Variants in GABRA1 observed in about 807,000 individuals in gnomAD.
GABRA1 encodes the protein gamma-aminobutyric acid receptor subunit alpha-1.
In GABRA1, 9 loss-of-function variants were observed where a neutral mutation model predicts 48.9. The ratio of observed to expected loss-of-function variants is 0.18; its 90% CI spans 0.11 to 0.32. GABRA1 has a LOEUF of 0.32. Ranked by LOEUF, GABRA1 falls within the 10% of genes least tolerant of loss-of-function variation. GABRA1 has a pLI of 1.00. For missense variants in GABRA1, 285 were observed against 553.8 expected, an observed-to-expected ratio of 0.51 and a Z score of 4.87; for synonymous variants, 210 against 198.7, an observed-to-expected ratio of 1.06 and a Z score of -0.48.
chr5:161,859,338 GA>G (rs1326542906), intron 3 of GABRA1, among the ~76,000 whole-genome samples: 2 of 151,604 alleles, frequency 1.3e-5, no homozygotes, highest in Admixed American at 1.3e-4. Flanking sequence ...ATTGTTGCAA[GA>G]GATCTCAGCT....
chr5:161,876,037 C>A (rs1754336780), intron 6 of GABRA1, among the ~76,000 whole-genome samples: 1 of 152,002 alleles, frequency 6.6e-6, no homozygotes, highest in Non-Finnish European at 1.5e-5. Flanking sequence ...AATTCGTTTA[C>A]CAGATTAAAG....
At chr5:161,858,052 T>C (rs1581182262) in intron 3 of GABRA1, among the ~76,000 whole-genome samples, 1 of 146,786 alleles carries the variant, frequency 6.8e-6, no homozygotes, top group Non-Finnish European at 1.5e-5. Flanking sequence ...GGGAGAGGAA[T>C]TGAGGAAGTG....
intron 8 of GABRA1, among the ~76,000 whole-genome samples, chr5:161,894,820 T>C (rs1243610679): frequency 6.6e-6 from 1 of 152,082 alleles, no homozygotes; most frequent in Non-Finnish European, 1.5e-5. Flanking sequence ...TAAACTAAAA[T>C]GGGCTAACTT....
chr5:161,867,506 T>C (rs1211181999), intron 4 of GABRA1, among the ~76,000 whole-genome samples: 1 of 152,160 alleles, frequency 6.6e-6, no homozygotes, highest in Non-Finnish European at 1.5e-5. Context: ...CTTGAACAAA[T>C]TGCTTAAGCT....
Position 161,888,924 on chromosome 5 carries a change from G to T in GABRA1, c.704-1974G>T, listed in dbSNP as rs142744890. Among the ~76,000 whole-genome samples the T allele has an allele frequency of 7.1e-4, 108 of 152,102 alleles. 2 individuals are homozygous for T. Among genetic ancestry groups the T allele is most frequent in the African/African-American group, 2.4e-3 (100 of 41,528 alleles). On this transcript the variant is annotated intron_variant, in intron 7 of 9. Transcript: ENST00000393943. ...CTCAGTGCATCCATTTTCACTATAT[G>T]AAGGTATTAAATACTGAGGATATGG...
chr5:161,871,888 A>G (rs1754136783), intron 4 of GABRA1, among the ~76,000 whole-genome samples: 1 of 152,256 alleles, frequency 6.6e-6, no homozygotes, highest in Middle Eastern at 3.4e-3. Context: ...TAGTTACTTG[A>G]TCAGTAAGGG....
chr5:161,880,616 A>G (rs1281369187), intron 6 of GABRA1, among the ~76,000 whole-genome samples: 1 of 152,188 alleles, frequency 6.6e-6, no homozygotes, highest in African/African-American at 2.4e-5. Context: ...AAACTTATGG[A>G]AAATTTTGTT....
chr5:161,850,875 C>A lies in GABRA1; in HGVS notation c.65C>A (p.Thr22Asn), dbSNP rs1428599469. The change falls in exon 2 of 10, where the codon ACT (threonine) becomes AAT (asparagine). Residue 22 changes from threonine (T) to asparagine (N), a missense_variant. By Grantham distance (65) the Thr-to-Asn change is moderately conservative. This residue lies in a region of GABRA1 where 45 missense variants were observed against 39.9 expected (regional missense o/e 1.13). Transcript: ENST00000393943. ...TGGATCCTCCTTCTGAGCACACTGA[C>A]TGGAAGAAGGTGGGGACACTTTTTT... ...WAWILLLSTL[T>N]GRSYGQPSLQ... 6.2e-7 allele frequency: 1 copy of A among 1,613,504 alleles called. No homozygotes were observed. The highest frequency in any genetic ancestry group is 1.1e-5 in the South Asian group (1 of 91,070).
upstream of GABRA1, chr5:161,847,218 A>G (rs11576001): frequency 0.3 from 45,097 of 151,258 alleles, 7,786 homozygotes; most frequent in African/African-American, 0.47. Flanking sequence ...AAGGGGGGGG[A>G]AAAGTAGATG....
In GABRA1 at chr5:161,898,842, A is replaced by C. The variant is rs1755491115; in HGVS notation, c.*1420A>C. 1.3e-5 allele frequency: 2 copies of C among 152,612 alleles called. No individual in the cohort carries two copies. Among genetic ancestry groups the C allele is most frequent in the South Asian group, 4.1e-4 (2 of 4,836 alleles). 9.5% of individuals were successfully genotyped at this position (152,612 alleles called of 1,614,324 possible). On this transcript the variant is annotated 3_prime_UTR_variant, in exon 10 of 10. Transcript: ENST00000393943. ...TACCATATGTAGCATTAAATATAAA[A>C]TACATAAAAGAATGTACAGAAAATA...
At chr5:161,880,769 G>T (rs1474482280) in intron 6 of GABRA1, among the ~76,000 whole-genome samples, 1 of 152,158 alleles carries the variant, frequency 6.6e-6, no homozygotes, top group Non-Finnish European at 1.5e-5. Flanking sequence ...CTTTGTTTTA[G>T]GGACTGAAAG....
rs753939740 is a variant in GABRA1, at chr5:161,875,543, T to G, written c.477-17T>G. ...TAATCTATATGGCTCTTGTTTGTAT[T>G]CTATGTTTCCCTTAAGGCTGACAGT... is the stretch of plus-strand genomic sequence containing the variant. On this transcript the variant is annotated splice_polypyrimidine_tract_variant and intron_variant, in intron 5 of 9. Transcript: ENST00000393943. 4 of 1,604,214 alleles carry G rather than the reference T, an allele frequency of 2.5e-6. No individual in the cohort carries two copies. Among genetic ancestry groups the G allele is most frequent in the Non-Finnish European group, 3.4e-6 (4 of 1,171,120 alleles).
In GABRA1 at chr5:161,883,888, T is replaced by A. The variant is rs184171902; in HGVS notation, c.703+1187T>A. On this transcript the variant is annotated intron_variant, in intron 7 of 9. Coordinates refer to ENST00000393943, the MANE Select transcript of GABRA1 (RefSeq NM_001127644.2). Reference sequence around the variant, plus strand: ...AAATGTTTATGTGTTTTATTTTTTTTTTAAAAAATGGAAACTGTTTCTCTT... The same window carrying A: ...AAATGTTTATGTGTTTTATTTTTTTATTAAAAAATGGAAACTGTTTCTCTT... Among the ~76,000 whole-genome samples the A allele has an allele frequency of 5.5e-3, 830 of 152,174 alleles. 8 individuals carry two copies. The highest frequency in any genetic ancestry group is 0.018 in the African/African-American group (750 of 41,536).
Position 161,848,452 on chromosome 5 carries a change from G to A in GABRA1, c.-16+30G>A, listed in dbSNP as rs553407875. On this transcript the variant is annotated intron_variant, in intron 1 of 9. Coordinates refer to ENST00000393943, the MANE Select transcript of GABRA1 (RefSeq NM_001127644.2). Reference sequence around the variant, plus strand: ...GTGCGACTTTGGACCACGATACACAGACAGAGCTTTGAACGTGGCTTTTCC... The same window carrying A: ...GTGCGACTTTGGACCACGATACACAAACAGAGCTTTGAACGTGGCTTTTCC... The A allele has an allele frequency of 5.4e-5, 8 of 148,452 alleles. No individual in the cohort carries two copies. The Admixed American group carries it at 5.7e-4, about 11-fold the overall frequency. 9.2% of individuals were successfully genotyped at this position (148,452 alleles called of 1,614,324 possible).
chr5:161,869,894 G>T (rs1182296810), intron 4 of GABRA1, among the ~76,000 whole-genome samples: 4 of 152,090 alleles, frequency 2.6e-5, no homozygotes, highest in Non-Finnish European at 5.9e-5. Flanking sequence ...CTTGGTTTCG[G>T]CCACCTTCTT....
chr5:161,850,555 G>T, intron 1 of GABRA1: 1 of 583,526 alleles, frequency 1.7e-6, no homozygotes, highest in South Asian at 2.2e-5. Flanking sequence ...ACCTGAAAGC[G>T]TTTCAGCTTG....
At chr5:161,868,636 A>G (rs565621084) in intron 4 of GABRA1, among the ~76,000 whole-genome samples, 5 of 152,258 alleles carry the variant, frequency 3.3e-5, no homozygotes, top group African/African-American at 1.2e-4. Context: ...TGGCCATTCT[A>G]TCTCAGTCTC....
intron 7 of GABRA1, among the ~76,000 whole-genome samples, chr5:161,887,941 G>T (rs750047195): frequency 1.3e-5 from 2 of 152,038 alleles, no homozygotes; most frequent in Non-Finnish European, 2.9e-5. Context: ...ACCTATGCAA[G>T]GTATTTACCT....
At chr5:161,859,920 T>A (rs1373018326) in intron 3 of GABRA1, among the ~76,000 whole-genome samples, 1 of 151,784 alleles carries the variant, frequency 6.6e-6, no homozygotes, top group Non-Finnish European at 1.5e-5. Context: ...CCTTTAGTAT[T>A]ATGTTTTGAA....
Sources: gnomAD v4.1 joint callset for allele counts (sites outside exome capture counted in the v4.1 genomes callset) on GRCh38, gnomAD v4.1.1 for gene constraint, gnomAD v4.1.1 regional missense constraint, MANE v1.5 for transcripts, NCBI Gene and HGNC (gene_info 2026-07-23, HGNC 2026-07-21) for gene names.